Variants in TIAM1 observed in about 807,000 individuals in gnomAD.
TIAM1 encodes TIAM Rac1 associated GEF 1, also known as rho guanine nucleotide exchange factor TIAM1.
In TIAM1, 65 loss-of-function variants were observed where a neutral mutation model predicts 163.5. The ratio of observed to expected loss-of-function variants is 0.40; its 90% CI spans 0.33 to 0.49. The LOEUF is 0.49. Among genes scored for constraint, TIAM1 ranks in the 20% least tolerant of loss-of-function variants. The pLI is 0.77. For missense variants in TIAM1, 1,789 were observed against 2,044.7 expected (o/e 0.87, Z 2.41); for synonymous variants, 833 against 810.1 (o/e 1.03, Z -0.48).
intron 6 of TIAM1, among the ~76,000 whole-genome samples, chr21:31,239,110 C>T (rs1435903958): frequency 6.6e-6 from 1 of 151,978 alleles, no homozygotes; most frequent in African/African-American, 2.4e-5. Context: ...AAAACCATGT[C>T]AGATGCAGAA....
At chr21:31,543,047 T>C (rs1165836083) in intron 1 of TIAM1, among the ~76,000 whole-genome samples, 2 of 151,996 alleles carry the variant, frequency 1.3e-5, no homozygotes, top group Non-Finnish European at 2.9e-5. Flanking sequence ...CGGTGCGATG[T>C]TTTTCTTGGT....
intron 15 of TIAM1, among the ~76,000 whole-genome samples, chr21:31,175,879 G>A (rs866123318): frequency 1.3e-5 from 2 of 152,188 alleles, no homozygotes; most frequent in Non-Finnish European, 2.9e-5. Context: ...GATGACAGGT[G>A]TGAGCCACTG....
At chr21:31,375,247 A>G (rs1212364613) in intron 2 of TIAM1, among the ~76,000 whole-genome samples, 1 of 152,212 alleles carries the variant, frequency 6.6e-6, no homozygotes. Flanking sequence ...AAAAAAAGTG[A>G]TTTCCAATTA....
intron 2 of TIAM1, among the ~76,000 whole-genome samples, chr21:31,430,235 T>TACACACAC (rs1252878843): frequency 7.7e-6 from 1 of 130,032 alleles, no homozygotes; most frequent in African/African-American, 3.4e-5. Flanking sequence ...AATATATATA[T>TACACACAC]ATATATATAT....
chr21:31,543,520 G>C (rs1280510438), intron 1 of TIAM1, among the ~76,000 whole-genome samples: 1 of 131,864 alleles, frequency 7.6e-6, no homozygotes, highest in African/African-American at 2.6e-5. Context: ...AAGAAACATT[G>C]TAACGATTCA....
rs1601323891 is a variant in TIAM1 at position 31,154,533 on chromosome 21, A to T, written c.2992-107T>A. On this transcript the variant is annotated intron_variant, in intron 16 of 27. Transcript: ENST00000541036. ...TTCTCCCTGGTTAGTCAACTGTCACATATGAATGTCGTCTTGTGTTTCCAC... is the reference window on the plus strand; with the variant it reads ...TTCTCCCTGGTTAGTCAACTGTCACTTATGAATGTCGTCTTGTGTTTCCAC... 4 of 1,155,564 alleles carry T rather than the reference A, an allele frequency of 3.5e-6. No individual in the cohort carries two copies. In the Admixed American group the frequency reaches 9.6e-5, roughly 28 times the overall value. The allele number at this position is 1,155,564 out of a possible 1,614,324, so 71.6% of individuals were successfully genotyped here. A position where few individuals can be genotyped will look rare whatever the true frequency, so the allele number is the denominator to read the frequency against.
At chr21:31,397,256 C>T (rs75799496) in intron 2 of TIAM1, among the ~76,000 whole-genome samples, 3,520 of 152,174 alleles carry the variant, frequency 0.023, 53 homozygotes, top group East Asian at 0.062. Context: ...CTATCATGCC[C>T]GTTTGTAAGT....
chr21:31,402,522 G>T (rs1045715866), intron 2 of TIAM1, among the ~76,000 whole-genome samples: 1 of 152,136 alleles, frequency 6.6e-6, no homozygotes, highest in African/African-American at 2.4e-5. Flanking sequence ...GGCCGTCCAC[G>T]ACATTTCCCA....
At chr21:31,458,151 G>C (rs1019830557) in intron 2 of TIAM1, among the ~76,000 whole-genome samples, 1 of 152,176 alleles carries the variant, frequency 6.6e-6, no homozygotes, top group African/African-American at 2.4e-5. Context: ...CGGGTGCGGG[G>C]GCTCACGCCT....
intron 22 of TIAM1, among the ~76,000 whole-genome samples, chr21:31,138,819 C>T (rs1484405408): frequency 6.6e-6 from 1 of 152,166 alleles, no homozygotes; most frequent in African/African-American, 2.4e-5. Flanking sequence ...AATTGATTCC[C>T]ACTGGGGGTC....
intron 2 of TIAM1, among the ~76,000 whole-genome samples, chr21:31,313,098 G>T (rs2074991339): frequency 6.6e-6 from 1 of 152,188 alleles, no homozygotes; most frequent in Non-Finnish European, 1.5e-5. Flanking sequence ...GATACGACAA[G>T]CCCAAACATT....
chr21:31,499,869 AAAAC>A (rs2046792157), intron 1 of TIAM1, among the ~76,000 whole-genome samples: 1 of 96,178 alleles, frequency 1.0e-5, no homozygotes, highest in Non-Finnish European at 2.2e-5. Flanking sequence ...AAAGAAGAAG[AAAAC>A]AAAAAAAAAA....
At chr21:31,425,178 A>T (rs1169097844) in intron 2 of TIAM1, among the ~76,000 whole-genome samples, 1 of 152,162 alleles carries the variant, frequency 6.6e-6, no homozygotes, top group Non-Finnish European at 1.5e-5. Context: ...CTCATCCTGA[A>T]CTCTCTTCCA....
In TIAM1 at chr21:31,192,155, A is replaced by G. The variant is rs540340504; in HGVS notation, c.2575+3069T>C. Among the ~76,000 whole-genome samples the G allele has an allele frequency of 1.3e-4, 20 of 152,338 alleles. 1 individual carries two copies. The South Asian group carries it at 3.3e-3, about 25-fold the overall frequency. On this transcript the variant is annotated intron_variant, in intron 13 of 27. Coordinates refer to ENST00000541036, the MANE Select transcript of TIAM1 (RefSeq NM_001353694.2). ...TAAGGTCAAGAAATAAACAGCATAA[A>G]GTTATAACGCAAGTGGCCAGGGTTC...
rs191018425 is a variant in TIAM1 at position 31,329,170 on chromosome 21, G to T, written c.-189+10073C>A. ...CCTGGAACGAACCCCCCACAAATACGCAGGGACAACATCTCTTGATATTGT... is the reference window on the plus strand; with the variant it reads ...CCTGGAACGAACCCCCCACAAATACTCAGGGACAACATCTCTTGATATTGT... On this transcript the variant is annotated intron_variant, in intron 2 of 27. Transcript: ENST00000541036. Among the ~76,000 whole-genome samples the T allele has an allele frequency of 3.3e-5, 5 of 152,294 alleles. No homozygotes were observed. In the East Asian group the frequency reaches 9.7e-4, roughly 29 times the overall value.
At chr21:31,442,448 G>T (rs1232524650) in intron 2 of TIAM1, among the ~76,000 whole-genome samples, 3 of 151,982 alleles carry the variant, frequency 2.0e-5, no homozygotes, top group South Asian at 2.1e-4. Context: ...GGCCAGGCTG[G>T]TATGGAACGT....
intron 13 of TIAM1, among the ~76,000 whole-genome samples, chr21:31,192,199 T>G (rs528888332): frequency 2.0e-5 from 3 of 152,320 alleles, no homozygotes; most frequent in Admixed American, 6.5e-5. Flanking sequence ...ATTCTCTTCA[T>G]TAGGCCCAAA....
chr21:31,397,190 T>C (rs1245209198), intron 2 of TIAM1, among the ~76,000 whole-genome samples: 1 of 152,160 alleles, frequency 6.6e-6, no homozygotes, highest in South Asian at 2.1e-4. Context: ...TTAGGTATCT[T>C]TTATATTCTA....
Position 31,182,461 on chromosome 21 carries a change from G to C in TIAM1, c.2847C>G (p.Asp949Glu), listed in dbSNP as rs199606205. 4 of 1,603,190 alleles carry C rather than the reference G, an allele frequency of 2.5e-6. No homozygotes were observed. In the South Asian group the frequency reaches 4.5e-5, roughly 18 times the overall value. The change falls in exon 15 of 28, where the codon GAC (aspartate) becomes GAG (glutamate). Residue 949 changes from aspartate to glutamate, a missense_variant. Transcript: ENST00000541036. ...SPPHRVDGPA[D>E]LGESPLAFLT... ...GAAAGGCGAGGGGGCTCTCGCCAAG[G>C]TCGGCAGGGCCGTCCACTCGGTGGG...
Sources: gnomAD v4.1 joint callset for allele counts (sites outside exome capture counted in the v4.1 genomes callset) on GRCh38, gnomAD v4.1.1 for gene constraint, MANE v1.5 for transcripts, NCBI Gene and HGNC (gene_info 2026-07-23, HGNC 2026-07-21) for gene names.